Variants in DLG2 observed in about 807,000 individuals in gnomAD.
DLG2 encodes the protein disks large homolog 2.
Under a neutral mutation model 132.5 loss-of-function variants are expected in DLG2, and 45 were observed. The observed-to-expected ratio is 0.34, with a 90% CI of 0.27 to 0.44. The LOEUF is 0.44. Among genes scored for constraint, DLG2 ranks in the 20% least tolerant of loss-of-function variants. The probability of loss-of-function intolerance (pLI) is 1.00; values close to 1 mark genes in which losing one functional copy is unlikely to be tolerated. For synonymous variants in DLG2, 424 were observed against 419.6 expected, an observed-to-expected ratio of 1.01 and a Z score of -0.13; for missense variants, 1,045 against 1,196.9, an observed-to-expected ratio of 0.87 and a Z score of 1.87.
chr11:84,596,419 C>T lies in DLG2; in HGVS notation c.358-61688G>A, dbSNP rs986171240. Among the ~76,000 whole-genome samples, 15 of 143,200 alleles carry T rather than the reference C, an allele frequency of 1.0e-4. No homozygotes were observed. The East Asian group carries it at 2.3e-3, about 22-fold the overall frequency. 93.9% of individuals were successfully genotyped at this position (143,200 alleles called of 152,430 possible). On this transcript the variant is annotated intron_variant, in intron 6 of 27. Coordinates refer to ENST00000376104, the MANE Select transcript of DLG2 (RefSeq NM_001142699.3). ...TTTTTTAGTAGTAGAGACGGGGTTT[C>T]GACACGTTGGCCAGGCTCCTCTCGA... is the stretch of plus-strand genomic sequence containing the variant.
At chr11:85,524,397 AAAATAAAAAT>A (rs1209960019) in intron 3 of DLG2, among the ~76,000 whole-genome samples, 3 of 152,316 alleles carry the variant, frequency 2.0e-5, no homozygotes, top group Middle Eastern at 3.4e-3. Context: ...ACAAAAATTA[AAAATAAAAAT>A]AAATAAAAAT....
In DLG2 at chr11:85,609,941, T is replaced by G. The variant is rs1254455015; in HGVS notation, c.-92-11153A>C. Among the ~76,000 whole-genome samples, 7 of 152,238 alleles carry G rather than the reference T, an allele frequency of 4.6e-5. No individual in the cohort carries two copies. The East Asian group carries it at 1.3e-3, about 29-fold the overall frequency. On this transcript the variant is annotated intron_variant, in intron 2 of 27. Transcript: ENST00000376104. ...CTCTCTTCACATGCCTTTCTTGTTA[T>G]GCCTGAAAGTCCCACACCCTTATTA... is the stretch of plus-strand genomic sequence containing the variant.
chr11:84,640,528 T>C, intron 6 of DLG2: 1 of 357,490 alleles, frequency 2.8e-6, no homozygotes, highest in Non-Finnish European at 5.3e-6. Context: ...GGTATCTATG[T>C]GTCTGAAAAA....
intron 6 of DLG2, among the ~76,000 whole-genome samples, chr11:84,880,246 T>C (rs749647980): frequency 1.3e-5 from 2 of 152,156 alleles, no homozygotes; most frequent in Non-Finnish European, 2.9e-5. Context: ...GGAAGGAAAG[T>C]TGGCTCTCCC....
chr11:85,273,808 A>G (rs1030025498), intron 4 of DLG2, among the ~76,000 whole-genome samples: 2 of 152,266 alleles, frequency 1.3e-5, no homozygotes, highest in African/African-American at 2.4e-5. Context: ...ATGCACAAGT[A>G]TGCTTATTGT....
intron 8 of DLG2, among the ~76,000 whole-genome samples, chr11:84,218,752 T>A (rs2096873998): frequency 6.6e-6 from 1 of 152,174 alleles, no homozygotes; most frequent in African/African-American, 2.4e-5. Context: ...TTTGGCAATG[T>A]CTGTAAATAT....
intron 6 of DLG2, chr11:84,997,306 C>T (rs1185092596): frequency 6.6e-6 from 1 of 152,204 alleles, no homozygotes; most frequent in Non-Finnish European, 1.5e-5. Context: ...AAAATTCTCT[C>T]CATTTTCAGT....
rs750623465 is a variant in DLG2 at position 85,465,435 on chromosome 11, C to G, written c.40+133222G>C. Among the ~76,000 whole-genome samples, 268 of 152,160 alleles carry G rather than the reference C, an allele frequency of 1.8e-3. 2 individuals carry two copies. Among genetic ancestry groups the G allele is most frequent in the Admixed American group, 3.2e-3 (49 of 15,282 alleles). On this transcript the variant is annotated intron_variant, in intron 3 of 27. Transcript: ENST00000376104. ...TCGTCATTTAACATTAGGTATATCT[C>G]CTAATGCTATCCCTCCCCGCTCCCC... is the stretch of plus-strand genomic sequence containing the variant.
chr11:84,899,285 C>T (rs2090590933), intron 6 of DLG2, among the ~76,000 whole-genome samples: 1 of 152,032 alleles, frequency 6.6e-6, no homozygotes, highest in South Asian at 2.1e-4. Flanking sequence ...TTGCTGAAGG[C>T]AAAGTTTGAT....
intron 14 of DLG2, among the ~76,000 whole-genome samples, chr11:83,946,215 T>C (rs1269320406): frequency 1.3e-5 from 2 of 152,140 alleles, no homozygotes; most frequent in African/African-American, 4.8e-5. Flanking sequence ...GTCGAACTCC[T>C]GACCTCAGGT....
intron 7 of DLG2, among the ~76,000 whole-genome samples, chr11:84,266,103 T>C (rs1307142894): frequency 6.6e-6 from 1 of 152,164 alleles, no homozygotes; most frequent in Admixed American, 6.5e-5. Context: ...TACTCCATTT[T>C]AATGAGTCAT....
At chr11:83,786,326 G>A in intron 18 of DLG2, 1 of 195,786 alleles carries the variant, frequency 5.1e-6, no homozygotes, top group Non-Finnish European at 1.1e-5. Context: ...TGGTCTACTG[G>A]TCTATTTCTG....
At chr11:83,816,314 A>G (rs1402813309) in intron 17 of DLG2, among the ~76,000 whole-genome samples, 2 of 152,148 alleles carry the variant, frequency 1.3e-5, no homozygotes, top group Non-Finnish European at 2.9e-5. Context: ...CTGTTGCCAT[A>G]TGTCTCCATT....
At chr11:84,546,129 A>G (rs1031285720) in intron 6 of DLG2, among the ~76,000 whole-genome samples, 1 of 152,088 alleles carries the variant, frequency 6.6e-6, no homozygotes, top group Admixed American at 6.6e-5. Context: ...CCCAAATCTC[A>G]AGTTGAAATG....
intron 7 of DLG2, among the ~76,000 whole-genome samples, chr11:84,493,731 TA>T (rs1384230954): frequency 6.6e-6 from 1 of 152,072 alleles, no homozygotes; most frequent in East Asian, 1.9e-4. Flanking sequence ...AAAATGAGGA[TA>T]ATAATCTCTA....
At chr11:83,773,910 C>T (rs747442529) in intron 18 of DLG2, among the ~76,000 whole-genome samples, 183 of 152,186 alleles carry the variant, frequency 1.2e-3, no homozygotes, top group Non-Finnish European at 2.4e-3. Flanking sequence ...TCATCCTAAG[C>T]ACACAAATAC....
intron 11 of DLG2, among the ~76,000 whole-genome samples, chr11:83,999,678 T>G (rs1417078414): frequency 6.6e-6 from 1 of 152,018 alleles, no homozygotes; most frequent in Non-Finnish European, 1.5e-5. Context: ...GGCATCCCAC[T>G]CCCCAGTAGA....
intron 6 of DLG2, among the ~76,000 whole-genome samples, chr11:84,796,592 A>G (rs958569744): frequency 6.6e-6 from 1 of 152,176 alleles, no homozygotes; most frequent in Admixed American, 6.5e-5. Context: ...GGTGTTAATG[A>G]AATCCCTCAG....
chr11:84,714,490 A>T (rs2060801502), intron 6 of DLG2, among the ~76,000 whole-genome samples: 1 of 151,932 alleles, frequency 6.6e-6, no homozygotes. Flanking sequence ...TGAGTGTTAG[A>T]GCACCCTCTG....
Sources: allele counts gnomAD v4.1 joint callset (sites outside exome capture counted in the v4.1 genomes callset), GRCh38; gene constraint gnomAD v4.1.1; transcripts MANE v1.5; gene names NCBI Gene and HGNC (gene_info 2026-07-23, HGNC 2026-07-21).